ADAM12: variants seen among roughly 807,000 people sequenced by gnomAD.
The protein encoded by ADAM12 is disintegrin and metalloproteinase domain-containing protein 12.
In ADAM12, 70 loss-of-function variants were observed where a neutral mutation model predicts 106.4. The observed-to-expected ratio is 0.66, with a 90% CI of 0.54 to 0.80. The LOEUF (loss-of-function observed/expected upper bound fraction) is 0.80. ADAM12 is among the 30% of genes least tolerant of loss of function. The pLI is 0.00. For synonymous variants in ADAM12, 420 were observed against 433.5 expected, an observed-to-expected ratio of 0.97 and a Z score of 0.39; for missense variants, 1,010 against 1,171.9, an observed-to-expected ratio of 0.86 and a Z score of 2.02.
chr10:126,153,361 C>G (rs1674910), intron 4 of ADAM12, among the ~76,000 whole-genome samples: 1 of 151,324 alleles, frequency 6.6e-6, no homozygotes, highest in Non-Finnish European at 1.5e-5. Flanking sequence ...TTTTCATCAG[C>G]AGCTGTCCTG....
At chr10:126,112,323 C>T (rs1955885116) in intron 6 of ADAM12, among the ~76,000 whole-genome samples, 1 of 150,486 alleles carries the variant, frequency 6.6e-6, no homozygotes, top group African/African-American at 2.4e-5. Flanking sequence ...GCACGTTTTG[C>T]ACATGTATCC....
chr10:126,276,469 TG>T (rs1281297476), intron 3 of ADAM12, among the ~76,000 whole-genome samples: 2 of 152,228 alleles, frequency 1.3e-5, no homozygotes, highest in East Asian at 1.9e-4. Flanking sequence ...TGATTTTTTT[TG>T]TTTTTAGTAT....
intron 2 of ADAM12, among the ~76,000 whole-genome samples, chr10:126,316,265 G>GCA (rs781572825): frequency 6.6e-6 from 1 of 152,146 alleles, no homozygotes; most frequent in Non-Finnish European, 1.5e-5. Context: ...TTAGCACAGG[G>GCA]CCTGGCACAT....
intron 2 of ADAM12, among the ~76,000 whole-genome samples, chr10:126,322,670 G>C (rs1427310639): frequency 6.6e-6 from 1 of 152,188 alleles, no homozygotes; most frequent in East Asian, 1.9e-4. Context: ...AGGTCACAAG[G>C]CCACCATCAC....
chr10:126,337,930 C>T (rs1470851229), intron 1 of ADAM12, among the ~76,000 whole-genome samples: 2 of 152,092 alleles, frequency 1.3e-5, no homozygotes, highest in Non-Finnish European at 2.9e-5. Flanking sequence ...AAAAAATAAA[C>T]TTAAAAAGAT....
At chr10:126,315,202 T>C (rs1051117538) in intron 2 of ADAM12, among the ~76,000 whole-genome samples, 2 of 152,216 alleles carry the variant, frequency 1.3e-5, no homozygotes, top group African/African-American at 4.8e-5. Context: ...CAGCTTTCAC[T>C]GAAAAATGTA....
At chr10:126,179,620 C>T (rs534125533) in intron 3 of ADAM12, among the ~76,000 whole-genome samples, 6 of 152,298 alleles carry the variant, frequency 3.9e-5, no homozygotes, top group Non-Finnish European at 8.8e-5. Flanking sequence ...TGTAGGTGAT[C>T]TTGGATTAAT....
intron 3 of ADAM12, among the ~76,000 whole-genome samples, chr10:126,230,087 T>C (rs1958280247): frequency 6.6e-6 from 1 of 152,190 alleles, no homozygotes; most frequent in South Asian, 2.1e-4. Flanking sequence ...CCAGGAAGCC[T>C]TCTTGTGGTA....
At chr10:126,102,837 C>A (rs1234040398) in intron 8 of ADAM12, among the ~76,000 whole-genome samples, 1 of 152,228 alleles carries the variant, frequency 6.6e-6, no homozygotes, top group Non-Finnish European at 1.5e-5. Context: ...CTGGCCGGCT[C>A]TGGAACTCTG....
At chr10:126,240,123 T>A in intron 3 of ADAM12, among the ~76,000 whole-genome samples, 1 of 152,328 alleles carries the variant, frequency 6.6e-6, no homozygotes, top group South Asian at 2.1e-4. Flanking sequence ...AAGTGCTGTA[T>A]CCATTGTGTG....
intron 3 of ADAM12, among the ~76,000 whole-genome samples, chr10:126,157,668 T>C (rs565332303): frequency 2.6e-5 from 4 of 152,314 alleles, no homozygotes; most frequent in East Asian, 3.9e-4. Flanking sequence ...CACGTGGGCC[T>C]CCCAAGTGCT....
intron 3 of ADAM12, among the ~76,000 whole-genome samples, chr10:126,236,755 G>A (rs1201559050): frequency 6.6e-6 from 1 of 152,008 alleles, no homozygotes; most frequent in Non-Finnish European, 1.5e-5. Flanking sequence ...CCTACAGGAA[G>A]GAGCATCACA....
chr10:126,300,196 T>C (rs1240271290), intron 2 of ADAM12, among the ~76,000 whole-genome samples: 1 of 152,174 alleles, frequency 6.6e-6, no homozygotes, highest in Non-Finnish European at 1.5e-5. Context: ...ACTGTCCTCT[T>C]GCCCTGGCCA....
intron 3 of ADAM12, among the ~76,000 whole-genome samples, chr10:126,255,659 T>C: frequency 6.6e-6 from 1 of 152,128 alleles, no homozygotes; most frequent in East Asian, 1.9e-4. Context: ...CCACGGAGGG[T>C]CCCTCCTGAT....
chr10:126,319,493 C>A (rs931626126), intron 2 of ADAM12, among the ~76,000 whole-genome samples: 2 of 152,142 alleles, frequency 1.3e-5, no homozygotes, highest in Non-Finnish European at 2.9e-5. Context: ...TGGAAAATCC[C>A]AGCTGAGGGC....
intron 3 of ADAM12, among the ~76,000 whole-genome samples, chr10:126,239,579 T>C (rs1031080479): frequency 6.6e-6 from 1 of 152,110 alleles, no homozygotes; most frequent in African/African-American, 2.4e-5. Context: ...TTTCAGAAAT[T>C]CAAGCACATG....
At chr10:126,100,400 A>T in intron 9 of ADAM12, among the ~76,000 whole-genome samples, 1 of 152,076 alleles carries the variant, frequency 6.6e-6, no homozygotes, top group South Asian at 2.1e-4. Context: ...AATAATGATG[A>T]ATCTTTAAAA....
At chr10:126,273,880 A>G (rs1959194847) in intron 3 of ADAM12, among the ~76,000 whole-genome samples, 1 of 152,192 alleles carries the variant, frequency 6.6e-6, no homozygotes, top group South Asian at 2.1e-4. Context: ...CATTTTGCAG[A>G]CAAGGAGGCC....
intron 21 of ADAM12, among the ~76,000 whole-genome samples, chr10:126,020,037 C>A (rs936177909): frequency 1.3e-5 from 2 of 152,192 alleles, no homozygotes; most frequent in Non-Finnish European, 2.9e-5. Flanking sequence ...AAACACTCAA[C>A]TATGGGGCTT....
Sources: allele counts gnomAD v4.1 joint callset (sites outside exome capture counted in the v4.1 genomes callset), GRCh38; gene constraint gnomAD v4.1.1; transcripts MANE v1.5; gene names NCBI Gene and HGNC (gene_info 2026-07-23, HGNC 2026-07-21).